The following TPR variants were observed in gnomAD, a reference collection of about 807,000 sequenced individuals.
The protein encoded by TPR is nucleoprotein TPR.
TPR carries 51 observed loss-of-function variants against 316.1 expected under a neutral mutation model. The ratio of observed to expected loss-of-function variants is 0.16; its 90% CI spans 0.13 to 0.20. The LOEUF (loss-of-function observed/expected upper bound fraction) is 0.20. TPR is among the 10% of genes least tolerant of loss of function. TPR has a pLI of 1.00. For synonymous variants in TPR, 981 were observed against 914.7 expected, an observed-to-expected ratio of 1.07 and a Z score of -1.31; for missense variants, 2,272 against 2,754.8, an observed-to-expected ratio of 0.82 and a Z score of 3.92.
At chr1:186,368,707 C>A (rs1448389822) in intron 3 of TPR, among the ~76,000 whole-genome samples, 3 of 152,196 alleles carry the variant, frequency 2.0e-5, no homozygotes, top group African/African-American at 7.2e-5. Context: ...TATGTCAGAA[C>A]TGTAGGTTGC....
chr1:186,312,391 TAAAA>T lies in TPR; in HGVS notation c.*1576_*1579del. ...GACAAAGGTAACATTTTTATTGTGT[TAAAA>T]AAATCCTTAAACATAAGTAGATGTA... On this transcript the variant is annotated 3_prime_UTR_variant, in exon 51 of 51. Transcript: ENST00000367478. 6.3e-7 allele frequency: 1 copy of T among 1,591,552 alleles called. No homozygotes were observed. The highest frequency in any genetic ancestry group is 8.6e-7 in the Non-Finnish European group (1 of 1,168,386).
At position 186,351,486 on chromosome 1, in the gene TPR, G is replaced by C; in HGVS notation, c.2470-16C>G. On this transcript the variant is annotated splice_polypyrimidine_tract_variant and intron_variant, in intron 19 of 50. Transcript: ENST00000367478. ...CCAGTATTCCCTAAAGCAAAGAAAA[G>C]ATTTTTGGTTATGCTTAAGAAAAAG... The C allele has an allele frequency of 1.9e-6, 3 of 1,541,402 alleles. No individual in the cohort carries two copies. The highest frequency in any genetic ancestry group is 2.6e-6 in the Non-Finnish European group (3 of 1,151,122).
intron 11 of TPR, 136 bp downstream of exon 11, chr1:186,360,137 A>G: frequency 2.3e-6 from 3 of 1,308,418 alleles, no homozygotes; most frequent in Non-Finnish European, 2.1e-6. Context: ...CTAGGAACCA[A>G]AGAAAGCCTT....
rs1658838867 is a variant in TPR at position 186,350,835 on chromosome 1, G to C, written c.2611-447C>G. Among the ~76,000 whole-genome samples the C allele has an allele frequency of 2.0e-5, 3 of 152,102 alleles. No homozygotes were observed. In the South Asian group the frequency reaches 6.2e-4, roughly 31 times the overall value. On this transcript the variant is annotated intron_variant, in intron 20 of 50. Coordinates refer to ENST00000367478, the MANE Select transcript of TPR (RefSeq NM_003292.3). ...AGTAGCGATCGCTGCAAATATATAA[G>C]GAGCTTACCCCAGACAGGGGAAGAA...
At position 186,336,527 on chromosome 1, in the gene TPR, T is replaced by G. The variant is rs1558004448; in HGVS notation, c.4674A>C (p.Val1558=). The part of the protein sequence containing the change: ...EKEEKTRKAI[V]AAKSKIAHLA... ...AGTGTGCAATTTTTGACTTTGCTGCTACAATAGCCTTTCTGGTTTTTTCTT... is the reference window on the plus strand; with the variant it reads ...AGTGTGCAATTTTTGACTTTGCTGCGACAATAGCCTTTCTGGTTTTTTCTT... The change falls in exon 33 of 51, where the codon GTA becomes GTC. Residue 1558 remains valine, a synonymous_variant. Transcript: ENST00000367478. 6.2e-7 allele frequency: 1 copy of G among 1,613,928 alleles called. No homozygotes were observed. Among genetic ancestry groups the G allele is most frequent in the Admixed American group, 1.7e-5 (1 of 60,016 alleles).
intron 45 of TPR, among the ~76,000 whole-genome samples, chr1:186,321,033 G>T (rs1657762220): frequency 6.6e-6 from 1 of 152,126 alleles, no homozygotes; most frequent in Non-Finnish European, 1.5e-5. Context: ...AGGAAACATG[G>T]AGTTCAGGAA....
chr1:186,373,010 G>C (rs1004785412), intron 2 of TPR, among the ~76,000 whole-genome samples: 1 of 152,134 alleles, frequency 6.6e-6, no homozygotes, highest in African/African-American at 2.4e-5. Context: ...TTTTTAAAAA[G>C]ATTTCAAGAA....
chr1:186,319,404 T>G (rs1657707894), intron 46 of TPR, among the ~76,000 whole-genome samples: 1 of 152,160 alleles, frequency 6.6e-6, no homozygotes, highest in Non-Finnish European at 1.5e-5. Flanking sequence ...TTATTGAGTA[T>G]CCAACTATGG....
chr1:186,362,189 G>C, intron 7 of TPR, 99 bp downstream of exon 7: 1 of 965,486 alleles, frequency 1.0e-6, no homozygotes, highest in Non-Finnish European at 1.5e-6. Context: ...TGTTTTATGG[G>C]GCCAAGGACA....
chr1:186,365,258 G>A (rs1422875289), intron 4 of TPR, among the ~76,000 whole-genome samples: 1 of 152,036 alleles, frequency 6.6e-6, no homozygotes, highest in African/African-American at 2.4e-5. Flanking sequence ...ACCACGCCCA[G>A]CTAATTTTTG....
At chr1:186,341,553 G>A (rs545267026) in intron 27 of TPR, 164 bp from the exon 28 acceptor site, 365 of 618,286 alleles carry the variant, frequency 5.9e-4, no homozygotes, top group Non-Finnish European at 8.5e-4. Flanking sequence ...TGTGAGGCAT[G>A]CGAACTGCAG....
intron 26 of TPR, 101 bp from the exon 27 acceptor site, chr1:186,343,574 A>T (rs1011440393): frequency 1.2e-5 from 13 of 1,085,514 alleles, no homozygotes; most frequent in Non-Finnish European, 1.6e-5. Context: ...TGACTTTAAT[A>T]ACTATTACAC....
At chr1:186,327,173 T>TA (rs1557993318) in intron 40 of TPR, among the ~76,000 whole-genome samples, 19 of 1,510 alleles carry the variant, frequency 0.013, 2 homozygotes, top group Non-Finnish European at 0.016. Context: ...AACATATATA[T>TA]TATATATATA....
intron 10 of TPR, 116 bp downstream of exon 10, chr1:186,360,649 C>A: frequency 7.5e-7 from 1 of 1,339,386 alleles, no homozygotes; most frequent in Non-Finnish European, 1.0e-6. Flanking sequence ...TAATATAACT[C>A]GATGGAGTTT....
rs117360021 is a variant in TPR at position 186,345,951 on chromosome 1, G to A, written c.3096+184C>T. On this transcript the variant is annotated intron_variant, in intron 23 of 50. Transcript: ENST00000367478. The stretch of plus-strand genomic sequence containing the variant: ...CAGTGATACCTATTTCTGTAAAGTA[G>A]TCTAAAAATTTCAACGGGAAATGTA... 1.6e-3 allele frequency among the ~76,000 whole-genome samples: 239 copies of A among 152,200 alleles called. 2 individuals carry two copies. In the East Asian group the frequency reaches 0.017, roughly 11 times the overall value.
rs141269239 is a variant in TPR at position 186,370,479 on chromosome 1, T to C, written c.330+491A>G. Among the ~76,000 whole-genome samples, 389 of 151,812 alleles carry C rather than the reference T, an allele frequency of 2.6e-3. 7 individuals are homozygous for C. The highest frequency in any genetic ancestry group is 0.022 in the Admixed American group (329 of 15,214). On this transcript the variant is annotated intron_variant, in intron 3 of 50. Coordinates refer to ENST00000367478, the MANE Select transcript of TPR (RefSeq NM_003292.3). ...CGCCTATTCAGATTCTGGAAGTAAA[T>C]TTTTTTTTCCCTTCAGAAATGTGAA...
chr1:186,327,764 T>C (rs974802490), intron 39 of TPR, 104 bp from the exon 40 acceptor site: 2 of 966,070 alleles, frequency 2.1e-6, no homozygotes, highest in Non-Finnish European at 3.1e-6. Context: ...AATGAGTACT[T>C]ATGGACTAGC....
At position 186,339,695 on chromosome 1, in the gene TPR, C is replaced by T; in HGVS notation, c.4098G>A (p.Lys1366=). The T allele has an allele frequency of 6.2e-7, 1 of 1,601,900 alleles. No individual in the cohort carries two copies. Among genetic ancestry groups the T allele is most frequent in the Non-Finnish European group, 8.5e-7 (1 of 1,174,054 alleles). The change falls in exon 30 of 51, where the codon AAG becomes AAA. Residue 1366 remains lysine, a synonymous_variant. Transcript: ENST00000367478. ...TTTCTTCTGTCAATTGTTGAATACG[C>T]TTAGTATGAACTTCCTTTTCAGAAA... ...KLLSEKEVHT[K]RIQQLTEEIG...
chr1:186,375,077 G>A lies in TPR; in HGVS notation c.-49C>T, dbSNP rs571000394. 6 of 1,611,114 alleles carry A rather than the reference G, an allele frequency of 3.7e-6. No individual in the cohort carries two copies. Among genetic ancestry groups the A allele is most frequent in the Middle Eastern group, 1.7e-4 (1 of 6,052 alleles). ...TGGCAGCGGCCGACGGGGTAGAAGC[G>A]GAGAAGAAAGGCGAAGACCAGCAGG... On this transcript the variant is annotated 5_prime_UTR_variant, in exon 1 of 51. Coordinates refer to ENST00000367478, the MANE Select transcript of TPR (RefSeq NM_003292.3).
Sources: gnomAD v4.1 joint callset for allele counts (sites outside exome capture counted in the v4.1 genomes callset) on GRCh38, gnomAD v4.1.1 for gene constraint, MANE v1.5 for transcripts, NCBI Gene and HGNC (gene_info 2026-07-23, HGNC 2026-07-21) for gene names.